NEMP1: variants seen among roughly 807,000 people sequenced by gnomAD.
NEMP1 encodes the protein transmembrane protein 194.
NEMP1 carries 29 observed loss-of-function variants against 53.7 expected under a neutral mutation model. The observed-to-expected ratio is 0.54, with a 90% CI of 0.40 to 0.74. The LOEUF (loss-of-function observed/expected upper bound fraction) is 0.74. Among genes scored for constraint, NEMP1 ranks in the 30% least tolerant of loss-of-function variants. The pLI is 0.00. For missense variants in NEMP1, 477 were observed against 528.6 expected (o/e 0.90, Z 0.96); for synonymous variants, 193 against 192.9 (o/e 1.00, Z 0.00).
At chr12:57,070,410 T>A (rs536511406) in intron 3 of NEMP1, among the ~76,000 whole-genome samples, 1 of 152,314 alleles carries the variant, frequency 6.6e-6, no homozygotes, top group South Asian at 2.1e-4. Context: ...AGCAGCACAA[T>A]GTAATTGGGA....
At chr12:57,060,623 T>C (rs1322889639) in intron 8 of NEMP1, 149 bp downstream of exon 8, 2 of 771,754 alleles carry the variant, frequency 2.6e-6, no homozygotes, top group Non-Finnish European at 4.2e-6. Flanking sequence ...GCTTAATGTG[T>C]GATTATATAT....
upstream of NEMP1, among the ~76,000 whole-genome samples, chr12:57,081,922 A>G (rs1225667288): frequency 7.2e-6 from 1 of 138,726 alleles, no homozygotes; most frequent in Admixed American, 7.0e-5. Context: ...ATAAGAAAAC[A>G]AAAAAAAACA....
intron 4 of NEMP1, among the ~76,000 whole-genome samples, chr12:57,067,246 C>A (rs558085255): frequency 6.6e-6 from 1 of 151,960 alleles, no homozygotes; most frequent in Admixed American, 6.6e-5. Context: ...ATGGCATGAA[C>A]CCGGAAGGTG....
chr12:57,084,161 C>G (rs931985323), intron 1 of NEMP1, among the ~76,000 whole-genome samples: 5 of 152,158 alleles, frequency 3.3e-5, no homozygotes, highest in Non-Finnish European at 4.4e-5. Flanking sequence ...CGGGGTTTCG[C>G]TATGTTGGCC....
chr12:57,083,987 G>A (rs901133592), intron 1 of NEMP1, among the ~76,000 whole-genome samples: 1 of 139,478 alleles, frequency 7.2e-6, no homozygotes, highest in Non-Finnish European at 1.5e-5. Flanking sequence ...TTTTGAGACC[G>A]AGTCTCACTC....
rs2031490378 is a variant in NEMP1 at position 57,055,690 on chromosome 12, A to G, written c.*4189T>C. The G allele has an allele frequency of 6.6e-6, 1 of 152,242 alleles. No homozygotes were observed. The highest frequency in any genetic ancestry group is 2.4e-5 in the African/African-American group (1 of 41,458). The allele number at this position is 152,242 out of a possible 1,614,324, so 9.4% of individuals were successfully genotyped here. A position where few individuals can be genotyped will look rare whatever the true frequency, so the allele number is the denominator to read the frequency against. On this transcript the variant is annotated 3_prime_UTR_variant, in exon 9 of 9. Transcript: ENST00000300128. ...ATTGGAATTAGAAACTATACCAAAA[A>G]CTTTAAAAATACATTAAGACATTGT... is the stretch of plus-strand genomic sequence containing the variant.
chr12:57,059,642 C>T lies in NEMP1; in HGVS notation c.*237G>A. On this transcript the variant is annotated 3_prime_UTR_variant, in exon 9 of 9. Coordinates refer to ENST00000300128, the MANE Select transcript of NEMP1 (RefSeq NM_001130963.2). ...TGGAAACATAAAAGTGGGCTGTTAG[C>T]TTAACCAATGGGAAGTGAACTACCC... is the stretch of plus-strand genomic sequence containing the variant. The T allele has an allele frequency of 2.6e-6, 1 of 381,162 alleles. No homozygotes were observed. Among genetic ancestry groups the T allele is most frequent in the Non-Finnish European group, 4.7e-6 (1 of 211,396 alleles). 23.6% of individuals were successfully genotyped at this position (381,162 alleles called of 1,614,324 possible).
chr12:57,075,500 C>CAATAAATAAATA (rs71084729), intron 1 of NEMP1, among the ~76,000 whole-genome samples: 2,362 of 144,710 alleles, frequency 0.016, 26 homozygotes, highest in East Asian at 0.021. Flanking sequence ...ATCTCAATAT[C>CAATAAATAAATA]AATAAATAAA....
In NEMP1 at chr12:57,078,664, C is replaced by G; in HGVS notation, c.82G>C (p.Val28Leu). 1 of 1,613,566 alleles carries G rather than the reference C, an allele frequency of 6.2e-7. No homozygotes were observed. Among genetic ancestry groups the G allele is most frequent in the Non-Finnish European group, 8.5e-7 (1 of 1,179,734 alleles). ...CCGGAGAGGATCAAGAGTAGCCGCACTGTCCCACCGCCCCCGACTCCCGAG... is the reference window on the plus strand; with the variant it reads ...CCGGAGAGGATCAAGAGTAGCCGCAGTGTCCCACCGCCCCCGACTCCCGAG... Reference protein sequence around the residue: ...WGSGVGGGGTVRLLLILSGCL... With the variant: ...WGSGVGGGGTLRLLLILSGCL... Residue 28 changes from valine to leucine, a missense_variant, in exon 1 of 9, where the codon GTG (valine) becomes CTG (leucine). Val to Leu is a conservative substitution (Grantham distance 32). Transcript: ENST00000300128.
At position 57,057,984 on chromosome 12, in the gene NEMP1, A is replaced by G. The variant is rs903025976; in HGVS notation, c.*1895T>C. On this transcript the variant is annotated 3_prime_UTR_variant, in exon 9 of 9. Coordinates refer to ENST00000300128, the MANE Select transcript of NEMP1 (RefSeq NM_001130963.2). Reference sequence around the variant, plus strand: ...TTCTATAAATAAGGTAAAAAATAGTATATTTCAGAAGTTTTAATAGTTCTT... The same window carrying G: ...TTCTATAAATAAGGTAAAAAATAGTGTATTTCAGAAGTTTTAATAGTTCTT... The G allele has an allele frequency of 6.6e-6, 1 of 152,214 alleles. No individual in the cohort carries two copies. The highest frequency in any genetic ancestry group is 2.4e-5 in the African/African-American group (1 of 41,444). 9.4% of individuals were successfully genotyped at this position (152,214 alleles called of 1,614,324 possible).
At chr12:57,070,556 A>T in intron 3 of NEMP1, 118 bp downstream of exon 3, 1 of 794,992 alleles carries the variant, frequency 1.3e-6, no homozygotes, top group Non-Finnish European at 2.0e-6. Context: ...ACTCAGGGTT[A>T]TAATCAGAAC....
chr12:57,085,500 T>C (rs1188059429), intron 1 of NEMP1, among the ~76,000 whole-genome samples: 1 of 152,252 alleles, frequency 6.6e-6, no homozygotes, highest in Non-Finnish European at 1.5e-5. Context: ...ATTATTCGTT[T>C]ATAGGTCTAT....
intron 4 of NEMP1, among the ~76,000 whole-genome samples, chr12:57,066,147 A>G (rs533758216): frequency 6.6e-6 from 1 of 152,086 alleles, no homozygotes; most frequent in South Asian, 2.1e-4. Flanking sequence ...CCCAGCTACT[A>G]GGGAGGCTGA....
chr12:57,085,102 T>C (rs1460286984), intron 1 of NEMP1, among the ~76,000 whole-genome samples: 1 of 152,214 alleles, frequency 6.6e-6, no homozygotes, highest in Non-Finnish European at 1.5e-5. Flanking sequence ...TATCACTCTG[T>C]TTCATACCTC....
At position 57,058,747 on chromosome 12, in the gene NEMP1, A is replaced by T. The variant is rs924520848; in HGVS notation, c.*1132T>A. 6.6e-6 allele frequency: 1 copy of T among 152,234 alleles called. No individual in the cohort carries two copies. Among genetic ancestry groups the T allele is most frequent in the Non-Finnish European group, 1.5e-5 (1 of 68,050 alleles). 9.4% of individuals were successfully genotyped at this position (152,234 alleles called of 1,614,324 possible). On this transcript the variant is annotated 3_prime_UTR_variant, in exon 9 of 9. Coordinates refer to ENST00000300128, the MANE Select transcript of NEMP1 (RefSeq NM_001130963.2). ...GCTGCATAACTACAAATTGTGTATC[A>T]AGAAACTACATAGTTTCAAGGCTTA...
At chr12:57,071,674 C>T (rs926619261) in intron 2 of NEMP1, among the ~76,000 whole-genome samples, 4 of 152,132 alleles carry the variant, frequency 2.6e-5, no homozygotes, top group South Asian at 2.1e-4. Context: ...CCACTGCGCC[C>T]GGCTTGTCAG....
At chr12:57,067,883 C>T (rs574206889) in intron 4 of NEMP1, among the ~76,000 whole-genome samples, 1 of 152,268 alleles carries the variant, frequency 6.6e-6, no homozygotes, top group South Asian at 2.1e-4. Context: ...GATCCTCCTA[C>T]CTCAGACTCC....
chr12:57,066,896 T>C (rs929866833), intron 4 of NEMP1, among the ~76,000 whole-genome samples: 3 of 152,236 alleles, frequency 2.0e-5, no homozygotes, highest in Non-Finnish European at 2.9e-5. Flanking sequence ...CTCTCTTGCC[T>C]GCTGCCATGT....
At chr12:57,073,980 T>C (rs2136511272) in intron 1 of NEMP1, among the ~76,000 whole-genome samples, 1 of 152,164 alleles carries the variant, frequency 6.6e-6, no homozygotes, top group South Asian at 2.1e-4. Flanking sequence ...TTTTTTATTT[T>C]TTTTTTGAGA....
Sources: allele counts gnomAD v4.1 joint callset (sites outside exome capture counted in the v4.1 genomes callset), GRCh38; gene constraint gnomAD v4.1.1; transcripts MANE v1.5; gene names NCBI Gene and HGNC (gene_info 2026-07-23, HGNC 2026-07-21).